The following SV2B variants were observed in gnomAD, a reference collection of about 807,000 sequenced individuals.
SV2B encodes the protein solute carrier family 22 member B2.
In SV2B, 41 loss-of-function variants were observed where a neutral mutation model predicts 73.9. The observed-to-expected ratio is 0.56, with a 90% CI of 0.43 to 0.72. The LOEUF (loss-of-function observed/expected upper bound fraction) is 0.72. Ranked by LOEUF, SV2B falls within the 30% of genes least tolerant of loss-of-function variation. The pLI is 0.00. For synonymous variants in SV2B, 314 were observed against 314.2 expected (o/e 1.00, Z 0.01); for missense variants, 764 against 857.8 (o/e 0.89, Z 1.37).
chr15:91,152,341 G>A (rs1029821639), intron 1 of SV2B, among the ~76,000 whole-genome samples: 3 of 152,144 alleles, frequency 2.0e-5, no homozygotes, highest in Admixed American at 6.5e-5. Context: ...CTGGGTGGGA[G>A]CTGCCAGCTT....
rs1452983455 is a variant in SV2B at position 91,245,877 on chromosome 15, T to G, written c.452-5942T>G. On this transcript the variant is annotated intron_variant, in intron 2 of 12. Coordinates refer to ENST00000394232, the MANE Select transcript of SV2B (RefSeq NM_001323032.3). The surrounding 1 kb of genome is among the most constrained non-coding windows in gnomAD (Gnocchi z 4.2). ...TTTTTTTTTTAACATTTTTAAAGGG[T>G]TGTAAATTTAGGAATAATAATATGA... 1.3e-5 allele frequency among the ~76,000 whole-genome samples: 2 copies of G among 151,776 alleles called. No individual in the cohort carries two copies. The highest frequency in any genetic ancestry group is 2.9e-5 in the Non-Finnish European group (2 of 67,940).
At position 91,226,365 on chromosome 15, in the gene SV2B, T is replaced by A; in HGVS notation, c.102T>A (p.Asp34Glu). Residue 34 changes from aspartate to glutamate, a missense_variant, in exon 2 of 13, where the codon GAT (aspartate) becomes GAA (glutamate). Coordinates refer to ENST00000394232, the MANE Select transcript of SV2B (RefSeq NM_001323032.3). ...ESNPEEDAQS[D>E]VTEGHDEEDE... ...ACCCAGAAGAAGATGCACAGAGTGA[T>A]GTCACCGAAGGCCATGATGAGGAAG... 6.2e-7 allele frequency: 1 copy of A among 1,614,102 alleles called. No homozygotes were observed.
chr15:91,233,116 G>A (rs1272504053), intron 2 of SV2B, among the ~76,000 whole-genome samples: 3 of 152,106 alleles, frequency 2.0e-5, no homozygotes, highest in African/African-American at 4.8e-5. Context: ...CCGTTGATGG[G>A]CACTTATGTT....
In SV2B at chr15:91,302,242, A is replaced by G. The variant is rs984552363; in HGVS notation, c.*9690A>G. 1.3e-5 allele frequency among the ~76,000 whole-genome samples: 2 copies of G among 152,182 alleles called. No homozygotes were observed. Among genetic ancestry groups the G allele is most frequent in the Non-Finnish European group, 2.9e-5 (2 of 68,036 alleles). On this transcript the variant is annotated 3_prime_UTR_variant, in exon 13 of 13. Transcript: ENST00000394232. ...GAGGAGCAAGTGAAGTGTCATATGT[A>G]AAAGAGTTAATTCTCAGATTGATTC...
chr15:91,302,305 C>T lies in SV2B; in HGVS notation c.*9753C>T, dbSNP rs773993819. ...AACACTGCAGCTGTAACTCTGGGTCCGGGTCTTGGTGGCTCCTGCTTTGCT... is the reference window on the plus strand; with the variant it reads ...AACACTGCAGCTGTAACTCTGGGTCTGGGTCTTGGTGGCTCCTGCTTTGCT... On this transcript the variant is annotated 3_prime_UTR_variant, in exon 13 of 13. Transcript: ENST00000394232. Among the ~76,000 whole-genome samples the T allele has an allele frequency of 2.0e-5, 3 of 151,730 alleles. No individual in the cohort carries two copies. The highest frequency in any genetic ancestry group is 1.3e-4 in the Admixed American group (2 of 15,246).
rs2048800972 is a variant in SV2B at position 91,284,697 on chromosome 15, A to G, written c.1708+476A>G. On this transcript the variant is annotated intron_variant, in intron 11 of 12. Coordinates refer to ENST00000394232, the MANE Select transcript of SV2B (RefSeq NM_001323032.3). The surrounding 1 kb of genome is among the most constrained non-coding windows in gnomAD (Gnocchi z 4.5). ...TCACCGAAAGGCTGTTTGACCTTGA[A>G]TGTGTTCCTTTACTTCTCTGGGCCT... Among the ~76,000 whole-genome samples the G allele has an allele frequency of 6.6e-6, 1 of 152,214 alleles. No individual in the cohort carries two copies. Among genetic ancestry groups the G allele is most frequent in the African/African-American group, 2.4e-5 (1 of 41,454 alleles).
intron 1 of SV2B, among the ~76,000 whole-genome samples, chr15:91,107,285 C>CTTTA (rs1567256196): frequency 1.4e-4 from 12 of 85,750 alleles, no homozygotes; most frequent in Non-Finnish European, 2.9e-4. Context: ...GACTTCATTA[C>CTTTA]TTTATTTGTT....
intron 1 of SV2B, among the ~76,000 whole-genome samples, chr15:91,144,561 A>G (rs2141197542): frequency 6.6e-6 from 1 of 152,310 alleles, no homozygotes; most frequent in Non-Finnish European, 1.5e-5. Context: ...TGATGTGTGC[A>G]TCTTTTCTAG....
chr15:91,155,490 C>A (rs2043456443), intron 1 of SV2B, among the ~76,000 whole-genome samples: 1 of 152,152 alleles, frequency 6.6e-6, no homozygotes, highest in Non-Finnish European at 1.5e-5. Context: ...AACCAGCATT[C>A]CTTGTATAGA....
rs560326329 is a variant in SV2B, at chr15:91,182,201, A to G, written c.-391-43672A>G. ...AATGCTTTTCCTATGATTAATTTAA[A>G]TCAAGGATCAGTTCAAGCAAGAAGT... On this transcript the variant is annotated intron_variant, in intron 1 of 12. Coordinates refer to ENST00000394232, the MANE Select transcript of SV2B (RefSeq NM_001323032.3). 5.1e-4 allele frequency among the ~76,000 whole-genome samples: 77 copies of G among 152,314 alleles called. No homozygotes were observed. In the South Asian group the frequency reaches 0.015, roughly 29 times the overall value.
chr15:91,213,081 A>T (rs915701537), intron 1 of SV2B, among the ~76,000 whole-genome samples: 3 of 151,878 alleles, frequency 2.0e-5, no homozygotes, highest in Non-Finnish European at 4.4e-5. Flanking sequence ...TGAACCTGGG[A>T]GGTGGAGGTT....
chr15:91,277,124 T>C (rs1567425398), intron 9 of SV2B, among the ~76,000 whole-genome samples: 1 of 152,176 alleles, frequency 6.6e-6, no homozygotes, highest in African/African-American at 2.4e-5. Flanking sequence ...TGATATGATG[T>C]TGTTTTACTC....
chr15:91,188,518 T>C (rs564107204), intron 1 of SV2B, among the ~76,000 whole-genome samples: 11 of 152,190 alleles, frequency 7.2e-5, no homozygotes, highest in African/African-American at 2.2e-4. Context: ...GGTTTCATCG[T>C]GTTGGCCAGG....
At chr15:91,209,114 GTTTTTTT>G (rs903531189) in intron 1 of SV2B, among the ~76,000 whole-genome samples, 6 of 90,022 alleles carry the variant, frequency 6.7e-5, no homozygotes, top group East Asian at 2.9e-4. Flanking sequence ...ACTGTTTTTT[GTTTTTTT>G]TTTTTTTTTT....
At chr15:91,154,874 AC>A (rs1265710672) in intron 1 of SV2B, among the ~76,000 whole-genome samples, 1 of 152,102 alleles carries the variant, frequency 6.6e-6, no homozygotes, top group African/African-American at 2.4e-5. Context: ...GTTTTAAGCC[AC>A]CCAGGTTTGC....
At chr15:91,249,644 A>G (rs1306361990) in intron 2 of SV2B, among the ~76,000 whole-genome samples, 1 of 152,248 alleles carries the variant, frequency 6.6e-6, no homozygotes, top group Non-Finnish European at 1.5e-5. Flanking sequence ...GGAAAAAAGA[A>G]GGCTCAAATA....
At chr15:91,112,125 T>TGGGGGGG (rs2042052695) in intron 1 of SV2B, among the ~76,000 whole-genome samples, 1 of 10,242 alleles carries the variant, frequency 9.8e-5, no homozygotes, top group African/African-American at 4.0e-4. Context: ...TGGCTGGGGG[T>TGGGGGGG]GGGGTGAGGG....
intron 1 of SV2B, among the ~76,000 whole-genome samples, chr15:91,171,398 G>C (rs1032065694): frequency 6.6e-5 from 10 of 152,194 alleles, no homozygotes; most frequent in African/African-American, 2.4e-4. Context: ...GCATTTGGCT[G>C]TTTGATATTG....
intron 1 of SV2B, among the ~76,000 whole-genome samples, chr15:91,119,489 A>G (rs60327865): frequency 0.017 from 2,562 of 152,292 alleles, 66 homozygotes; most frequent in African/African-American, 0.052. Flanking sequence ...TTTGCCATGG[A>G]TTTGGAAATT....
Sources: allele counts gnomAD v4.1 joint callset (sites outside exome capture counted in the v4.1 genomes callset), GRCh38; gene constraint gnomAD v4.1.1; non-coding constraint Gnocchi (gnomAD v3.1); transcripts MANE v1.5; gene names NCBI Gene and HGNC (gene_info 2026-07-23, HGNC 2026-07-21).